The following PPARGC1A variants were observed in gnomAD, a reference collection of about 807,000 sequenced individuals.
PPARGC1A encodes PPARG coactivator 1 alpha, also known as peroxisome proliferator-activated receptor gamma coactivator 1-alpha.
PPARGC1A carries 25 observed loss-of-function variants against 88.7 expected under a neutral mutation model. The observed-to-expected ratio is 0.28, with a 90% confidence interval of 0.21 to 0.39. The LOEUF is 0.39. Ranked by LOEUF, PPARGC1A falls within the 10% of genes least tolerant of loss-of-function variation. PPARGC1A has a pLI of 1.00. For missense variants in PPARGC1A, 880 were observed against 968.7 expected, an observed-to-expected ratio of 0.91 and a Z score of 1.22; for synonymous variants, 363 against 355.6, an observed-to-expected ratio of 1.02 and a Z score of -0.24.
At chr4:24,343,760 T>A in the PPARGC1A span, among the ~76,000 whole-genome samples, 54,405 of 151,708 alleles carry the variant, frequency 0.36, 10,110 homozygotes, top group South Asian at 0.41. Context: ...TTTTTTTTTT[T>A]AATTTCCATA....
chr4:24,106,817 G>A, the PPARGC1A span, among the ~76,000 whole-genome samples: 2 of 152,208 alleles, frequency 1.3e-5, no homozygotes, highest in African/African-American at 2.4e-5. Context: ...GCCCCCAGCT[G>A]ACCCACCAGC....
intron 2 of PPARGC1A, among the ~76,000 whole-genome samples, chr4:23,869,763 G>C (rs1035798851): frequency 3.9e-5 from 6 of 152,174 alleles, no homozygotes; most frequent in Non-Finnish European, 7.3e-5. Context: ...GCATTGCTGG[G>C]GTGGTGGCTT....
chr4:23,923,116 G>GTTTTTTTTTTT, the PPARGC1A span, among the ~76,000 whole-genome samples: 4 of 131,688 alleles, frequency 3.0e-5, no homozygotes, highest in African/African-American at 2.8e-5. Flanking sequence ...TTTGTTGCTT[G>GTTTTTTTTTTT]TTTTTTTTTT....
chr4:24,272,513 AC>A, the PPARGC1A span, among the ~76,000 whole-genome samples: 3 of 152,302 alleles, frequency 2.0e-5, no homozygotes, highest in African/African-American at 7.2e-5. Flanking sequence ...TTCCCCCACA[AC>A]AAAAAGAAAA....
At chr4:24,130,051 T>C in the PPARGC1A span, among the ~76,000 whole-genome samples, 1 of 152,088 alleles carries the variant, frequency 6.6e-6, no homozygotes, top group East Asian at 1.9e-4. Flanking sequence ...TAATGTTAAA[T>C]GAGGAGTTAC....
intron 12 of PPARGC1A, among the ~76,000 whole-genome samples, chr4:23,796,533 G>A (rs928346277): frequency 9.9e-5 from 15 of 152,264 alleles, no homozygotes; most frequent in African/African-American, 2.4e-4. Context: ...AAGAAATAAA[G>A]TGCAGGTATA....
chr4:23,846,449 G>T (rs766590284), intron 2 of PPARGC1A, among the ~76,000 whole-genome samples: 5 of 152,196 alleles, frequency 3.3e-5, no homozygotes, highest in Non-Finnish European at 7.3e-5. Context: ...AAGTGGCAAA[G>T]ACTCTGTCTC....
the PPARGC1A span, among the ~76,000 whole-genome samples, chr4:24,129,206 G>T: frequency 7.9e-5 from 12 of 151,212 alleles, no homozygotes; most frequent in African/African-American, 2.9e-4. Context: ...CTGGGAGCCG[G>T]AATATTTCAT....
chr4:24,419,012 T>C, the PPARGC1A span, among the ~76,000 whole-genome samples: 6 of 152,136 alleles, frequency 3.9e-5, no homozygotes, highest in African/African-American at 1.2e-4. Context: ...TCTGGGACAA[T>C]AGTAAGGTGT....
At chr4:23,843,961 C>T (rs1384517471) in intron 2 of PPARGC1A, among the ~76,000 whole-genome samples, 2 of 151,804 alleles carry the variant, frequency 1.3e-5, no homozygotes, top group African/African-American at 2.4e-5. Context: ...CATTTTTACA[C>T]ATACATATTA....
chr4:24,066,649 G>A, the PPARGC1A span, among the ~76,000 whole-genome samples: 2 of 152,218 alleles, frequency 1.3e-5, no homozygotes, highest in Admixed American at 6.5e-5. Context: ...AGGGGAAAAG[G>A]TCCCCTGGGG....
intron 2 of PPARGC1A, among the ~76,000 whole-genome samples, chr4:23,864,905 C>T (rs1362950924): frequency 1.3e-5 from 2 of 152,260 alleles, no homozygotes; most frequent in East Asian, 3.9e-4. Context: ...CACCACTGGC[C>T]AGGCACGGTT....
At chr4:24,453,013 G>A in the PPARGC1A span, among the ~76,000 whole-genome samples, 1 of 152,312 alleles carries the variant, frequency 6.6e-6, no homozygotes, top group East Asian at 1.9e-4. Context: ...AGACGTGACT[G>A]CATTTAAACT....
chr4:23,987,791 T>TTTA, the PPARGC1A span, among the ~76,000 whole-genome samples: 5 of 151,840 alleles, frequency 3.3e-5, no homozygotes, highest in African/African-American at 4.8e-5. Flanking sequence ...TACAGATGCC[T>TTTA]TTATTATTAT....
chr4:23,801,111 T>C (rs901604935), intron 12 of PPARGC1A, among the ~76,000 whole-genome samples: 2 of 152,154 alleles, frequency 1.3e-5, no homozygotes, highest in African/African-American at 4.8e-5. Context: ...TTGCATATTC[T>C]GTTCCATAAA....
the PPARGC1A span, among the ~76,000 whole-genome samples, chr4:24,089,804 G>C: frequency 0.65 from 98,086 of 152,020 alleles, 31,972 homozygotes; most frequent in African/African-American, 0.72. Context: ...GCCACCGTGC[G>C]CGGCCTAGGA....
upstream of PPARGC1A, among the ~76,000 whole-genome samples, chr4:23,901,926 G>A (rs564128191): frequency 5.3e-5 from 8 of 151,990 alleles, no homozygotes; most frequent in East Asian, 1.4e-3. Flanking sequence ...TGAAATGCTG[G>A]CAAGTTGCTA....
At chr4:23,874,539 A>G (rs1166265463) in intron 2 of PPARGC1A, among the ~76,000 whole-genome samples, 1 of 151,726 alleles carries the variant, frequency 6.6e-6, no homozygotes, top group Non-Finnish European at 1.5e-5. Context: ...TTCTATGGCA[A>G]AGATCACTTT....
the PPARGC1A span, among the ~76,000 whole-genome samples, chr4:24,411,229 G>A: frequency 6.6e-6 from 1 of 152,180 alleles, no homozygotes; most frequent in Admixed American, 6.5e-5. Context: ...AAGAAGAGAA[G>A]CCGACTGTCC....
Sources: gnomAD v4.1 joint callset for allele counts (sites outside exome capture counted in the v4.1 genomes callset) on GRCh38, gnomAD v4.1.1 for gene constraint, MANE v1.5 for transcripts, NCBI Gene and HGNC (gene_info 2026-07-23, HGNC 2026-07-21) for gene names.